Variants in ADGRL3 observed in about 807,000 individuals in gnomAD.
ADGRL3 encodes calcium-independent alpha-latrotoxin receptor 3.
A neutral mutation model predicts 153.5 loss-of-function variants in ADGRL3; 62 were observed. The observed-to-expected ratio is 0.40, with a 90% CI of 0.33 to 0.50. The LOEUF (loss-of-function observed/expected upper bound fraction) is 0.50, where lower values mean the gene tolerates loss of function less well. ADGRL3 is among the 20% of genes least tolerant of loss of function. The pLI is 0.47. For missense variants in ADGRL3, 1,641 were observed against 1,859.4 expected (o/e 0.88, Z 2.16); for synonymous variants, 710 against 672.5 (o/e 1.06, Z -0.86).
chr4:61,534,626 G>T (rs1280590434), intron 4 of ADGRL3, among the ~76,000 whole-genome samples: 6 of 151,994 alleles, frequency 3.9e-5, no homozygotes, highest in African/African-American at 1.4e-4. Flanking sequence ...TCAGTGTTTT[G>T]TGGTTCTCCT....
intron 9 of ADGRL3, among the ~76,000 whole-genome samples, chr4:61,890,361 C>T (rs1398820676): frequency 1.3e-5 from 2 of 152,138 alleles, no homozygotes; most frequent in Non-Finnish European, 2.9e-5. Context: ...TCATTTTCTA[C>T]CACTGTAACA....
At chr4:61,766,754 T>C in intron 8 of ADGRL3, among the ~76,000 whole-genome samples, 1 of 150,824 alleles carries the variant, frequency 6.6e-6, no homozygotes, top group Non-Finnish European at 1.5e-5. Flanking sequence ...GGATTAAGGG[T>C]GCAAAGGAAT....
At position 61,396,642 on chromosome 4, in the gene ADGRL3, C is replaced by G. The variant is rs191147973; in HGVS notation, c.-174+13453C>G. ...GAGTAACCAACACAATTTTGACTTT[C>G]CCAATCACTACCTTTTCTGTTGCAT... is the stretch of plus-strand genomic sequence containing the variant. On this transcript the variant is annotated intron_variant, in intron 2 of 26. Transcript: ENST00000683033. 2.9e-3 allele frequency among the ~76,000 whole-genome samples: 436 copies of G among 152,042 alleles called. 2 individuals are homozygous for G. The highest frequency in any genetic ancestry group is 4.8e-3 in the South Asian group (23 of 4,830).
chr4:61,727,089 G>T (rs945269647), intron 6 of ADGRL3, among the ~76,000 whole-genome samples: 7 of 151,858 alleles, frequency 4.6e-5, no homozygotes, highest in African/African-American at 1.7e-4. Context: ...GCAATTCAAA[G>T]GTATTGCATA....
At chr4:61,924,771 C>CT (rs2098787346) in intron 13 of ADGRL3, among the ~76,000 whole-genome samples, 1 of 152,142 alleles carries the variant, frequency 6.6e-6, no homozygotes, top group Admixed American at 6.6e-5. Context: ...ATTCCTTTGT[C>CT]TTTTTTTGAA....
intron 4 of ADGRL3, among the ~76,000 whole-genome samples, chr4:61,583,348 A>G (rs950602355): frequency 2.0e-5 from 3 of 151,950 alleles, no homozygotes; most frequent in African/African-American, 7.2e-5. Context: ...AAGGCCTTAT[A>G]GCATATCGAG....
At position 61,948,135 on chromosome 4, in the gene ADGRL3, T is replaced by C; in HGVS notation, c.2664T>C (p.Phe888=). 6.2e-7 allele frequency: 1 copy of C among 1,613,472 alleles called. No homozygotes were observed. Among genetic ancestry groups the C allele is most frequent in the Non-Finnish European group, 8.5e-7 (1 of 1,179,650 alleles). ...AAAATTTCAACCCTAACTGTTCATT[T>C]TGGAGCTACTCCAAGCGTACAATGA... ...SEENFNPNCS[F]WSYSKRTMTG... The change falls in exon 17 of 27, where the codon TTT becomes TTC. Residue 888 remains phenylalanine (F), a synonymous_variant. Coordinates refer to ENST00000683033, the MANE Select transcript of ADGRL3 (RefSeq NM_001387552.1).
intron 1 of ADGRL3, among the ~76,000 whole-genome samples, chr4:61,333,293 G>A (rs1400309023): frequency 6.6e-6 from 1 of 152,062 alleles, no homozygotes; most frequent in East Asian, 1.9e-4. Flanking sequence ...GAGCCATAAT[G>A]ATTCAGGGGA....
At chr4:61,340,210 C>T (rs997662680) in intron 1 of ADGRL3, among the ~76,000 whole-genome samples, 6 of 152,224 alleles carry the variant, frequency 3.9e-5, no homozygotes, top group East Asian at 1.9e-4. Flanking sequence ...TTGCTTTACC[C>T]GCATCTGACT....
chr4:61,895,196 G>A (rs1019206468), intron 10 of ADGRL3, among the ~76,000 whole-genome samples: 1 of 152,042 alleles, frequency 6.6e-6, no homozygotes, highest in African/African-American at 2.4e-5. Flanking sequence ...GGCTGGACAC[G>A]GTGGCTCACG....
intron 21 of ADGRL3, among the ~76,000 whole-genome samples, chr4:62,011,521 A>G (rs2099186549): frequency 6.6e-6 from 1 of 152,084 alleles, no homozygotes; most frequent in Non-Finnish European, 1.5e-5. Flanking sequence ...GATCTACTTC[A>G]GAGAGAAAGG....
intron 9 of ADGRL3, among the ~76,000 whole-genome samples, chr4:61,843,752 C>T (rs901749440): frequency 2.6e-5 from 4 of 152,130 alleles, no homozygotes; most frequent in African/African-American, 7.2e-5. Context: ...TGCTTCGTGC[C>T]TGCAATTCCA....
chr4:61,872,174 T>A (rs2149396711), intron 9 of ADGRL3, among the ~76,000 whole-genome samples: 1 of 152,220 alleles, frequency 6.6e-6, no homozygotes, highest in East Asian at 1.9e-4. Flanking sequence ...ACACCGCAAG[T>A]GGTTCTTAGT....
intron 2 of ADGRL3, among the ~76,000 whole-genome samples, chr4:61,483,332 G>C (rs1484599737): frequency 6.6e-6 from 1 of 152,044 alleles, no homozygotes; most frequent in Non-Finnish European, 1.5e-5. Flanking sequence ...TGATGCCATT[G>C]ATTTTACCAT....
At chr4:61,669,567 G>A (rs1421932627) in intron 5 of ADGRL3, among the ~76,000 whole-genome samples, 1 of 152,084 alleles carries the variant, frequency 6.6e-6, no homozygotes, top group Non-Finnish European at 1.5e-5. Flanking sequence ...TAAATTACAA[G>A]ATATCTGTAA....
chr4:61,343,692 A>AT (rs1453702488), intron 1 of ADGRL3, among the ~76,000 whole-genome samples: 4 of 152,116 alleles, frequency 2.6e-5, no homozygotes, highest in African/African-American at 9.7e-5. Context: ...AACACAGCAT[A>AT]TTTTTTCTTC....
intron 1 of ADGRL3, among the ~76,000 whole-genome samples, chr4:61,207,357 G>A (rs1737781522): frequency 6.6e-6 from 1 of 152,118 alleles, no homozygotes. Context: ...CTTCATCCAT[G>A]TCCCTGCAAA....
chr4:61,383,333 A>G (rs1278371611), intron 2 of ADGRL3, 144 bp downstream of exon 2: 3 of 151,932 alleles, frequency 2.0e-5, no homozygotes, highest in South Asian at 2.1e-4. Flanking sequence ...GGAATTTTAC[A>G]TATTTTTGGA....
At chr4:61,749,387 G>A (rs2096720634) in intron 8 of ADGRL3, among the ~76,000 whole-genome samples, 1 of 152,174 alleles carries the variant, frequency 6.6e-6, no homozygotes. Context: ...TATAAATCAT[G>A]CTGCTGTAAA....
Sources: gnomAD v4.1 joint callset for allele counts (sites outside exome capture counted in the v4.1 genomes callset) on GRCh38, gnomAD v4.1.1 for gene constraint, MANE v1.5 for transcripts, NCBI Gene and HGNC (gene_info 2026-07-23, HGNC 2026-07-21) for gene names.